Variants in ADAMTS17 observed in about 807,000 individuals in gnomAD.
The protein encoded by ADAMTS17 is ADAM metallopeptidase with thrombospondin type 1 motif 17, also known as A disintegrin and metalloproteinase with thrombospondin motifs 17.
Under a neutral mutation model 141.5 loss-of-function variants are expected in ADAMTS17, and 113 were observed. The ratio of observed to expected loss-of-function variants is 0.80; its 90% CI spans 0.69 to 0.93. The LOEUF (loss-of-function observed/expected upper bound fraction) is 0.93, where lower values mean the gene tolerates loss of function less well. Ranked by LOEUF, ADAMTS17 falls within the 40% of genes least tolerant of loss-of-function variation. The probability of loss-of-function intolerance (pLI) is 0.00; values close to 1 mark genes in which losing one functional copy is unlikely to be tolerated. For missense variants in ADAMTS17, 1,659 were observed against 1,517.9 expected, an observed-to-expected ratio of 1.09 and a Z score of -1.54; for synonymous variants, 768 against 630.6, an observed-to-expected ratio of 1.22 and a Z score of -3.27.
In ADAMTS17 at chr15:100,007,702, C is replaced by T. The variant is rs535376217; in HGVS notation, c.2592-10113G>A. 7.2e-5 allele frequency among the ~76,000 whole-genome samples: 11 copies of T among 152,058 alleles called. No homozygotes were observed. In the South Asian group the frequency reaches 1.2e-3, roughly 17 times the overall value. On this transcript the variant is annotated intron_variant, in intron 18 of 21. Transcript: ENST00000268070. ...GAGCACCCGGGGAGGAGCTGGCCTG[C>T]GGTGGAAGGGTGGCGCTGCTTTAGA...
At chr15:100,288,690 A>C (rs996808724) in intron 3 of ADAMTS17, among the ~76,000 whole-genome samples, 1 of 152,220 alleles carries the variant, frequency 6.6e-6, no homozygotes, top group African/African-American at 2.4e-5. Flanking sequence ...GTGCAATAAA[A>C]ATAGAAATCA....
intron 7 of ADAMTS17, among the ~76,000 whole-genome samples, chr15:100,213,500 C>T (rs368059905): frequency 9.2e-5 from 14 of 152,254 alleles, no homozygotes; most frequent in African/African-American, 3.4e-4. Context: ...ACACACACCC[C>T]GGGAACATCC....
chr15:100,153,316 T>C (rs1350669691), intron 9 of ADAMTS17, among the ~76,000 whole-genome samples: 1 of 152,086 alleles, frequency 6.6e-6, no homozygotes, highest in Admixed American at 6.5e-5. Flanking sequence ...GGTGGGAGCA[T>C]TCATTCACAG....
intron 15 of ADAMTS17, among the ~76,000 whole-genome samples, chr15:100,056,033 GA>G (rs1256256347): frequency 6.6e-6 from 1 of 152,170 alleles, no homozygotes; most frequent in Non-Finnish European, 1.5e-5. Flanking sequence ...GACTAATGCT[GA>G]AATGTGCAAA....
intron 3 of ADAMTS17, among the ~76,000 whole-genome samples, chr15:100,326,432 T>C (rs550952990): frequency 2.0e-5 from 3 of 152,348 alleles, no homozygotes; most frequent in Admixed American, 1.3e-4. Flanking sequence ...GATTGGCCCT[T>C]GCTGAGCAAA....
At chr15:99,982,803 GAAGT>G (rs2060507668) in intron 20 of ADAMTS17, among the ~76,000 whole-genome samples, 1 of 152,188 alleles carries the variant, frequency 6.6e-6, no homozygotes, top group Admixed American at 6.5e-5. Flanking sequence ...CGGGAAACCT[GAAGT>G]GAGTGGAGCC....
At chr15:100,136,108 CA>C in intron 10 of ADAMTS17, among the ~76,000 whole-genome samples, 1 of 152,308 alleles carries the variant, frequency 6.6e-6, no homozygotes, top group South Asian at 2.1e-4. Context: ...ATGTGTTCAC[CA>C]AAGACATTGT....
At chr15:100,162,099 T>C (rs200795550) in intron 8 of ADAMTS17, among the ~76,000 whole-genome samples, 3 of 152,168 alleles carry the variant, frequency 2.0e-5, no homozygotes, top group Non-Finnish European at 4.4e-5. Flanking sequence ...TGGTGTTCAG[T>C]GTATTTTTCT....
chr15:100,017,765 G>A (rs768714320), intron 18 of ADAMTS17, among the ~76,000 whole-genome samples: 1 of 152,182 alleles, frequency 6.6e-6, no homozygotes, highest in Non-Finnish European at 1.5e-5. Context: ...GGGTCTGTGA[G>A]TCCTCTTGGG....
At chr15:100,310,287 C>T (rs2045360613) in intron 3 of ADAMTS17, among the ~76,000 whole-genome samples, 2 of 152,222 alleles carry the variant, frequency 1.3e-5, no homozygotes, top group South Asian at 4.1e-4. Context: ...ATCAGCCCCA[C>T]ACAGGGAGAG....
At chr15:100,003,335 C>T (rs749317925) in intron 18 of ADAMTS17, among the ~76,000 whole-genome samples, 1 of 152,020 alleles carries the variant, frequency 6.6e-6, no homozygotes, top group African/African-American at 2.4e-5. Flanking sequence ...CAGCAGTATA[C>T]GAGGCTCACT....
chr15:100,207,040 C>A (rs553098339), intron 7 of ADAMTS17, among the ~76,000 whole-genome samples: 1 of 152,148 alleles, frequency 6.6e-6, no homozygotes, highest in African/African-American at 2.4e-5. Context: ...ACTGTGTCCC[C>A]CTGAAATTCA....
chr15:99,978,585 A>C (rs995117134), intron 20 of ADAMTS17: 1 of 152,164 alleles, frequency 6.6e-6, no homozygotes, highest in Non-Finnish European at 1.5e-5. Context: ...TCCATCCCAG[A>C]CCTCAGGAGT....
In ADAMTS17 at chr15:100,059,566, C is replaced by T. The variant is rs113800793; in HGVS notation, c.2138-5512G>A. Among the ~76,000 whole-genome samples, 1,145 of 152,334 alleles carry T rather than the reference C, an allele frequency of 7.5e-3. 14 individuals are homozygous for T. Among genetic ancestry groups the T allele is most frequent in the African/African-American group, 0.026 (1,091 of 41,582 alleles). On this transcript the variant is annotated intron_variant, in intron 15 of 21. Coordinates refer to ENST00000268070, the MANE Select transcript of ADAMTS17 (RefSeq NM_139057.4). The stretch of plus-strand genomic sequence containing the variant: ...ACTTCCTGCTAAAATCAGAAGTTCG[C>T]GCCTGACATCCCTCAAAAGAGATGT...
At chr15:100,220,447 T>C (rs1195907707) in intron 7 of ADAMTS17, among the ~76,000 whole-genome samples, 17 of 152,162 alleles carry the variant, frequency 1.1e-4, no homozygotes. Flanking sequence ...TCAGCTCTAG[T>C]CCCTCCACTT....
chr15:99,976,235 G>A lies in ADAMTS17; in HGVS notation c.2950-13C>T. 6.5e-7 allele frequency: 1 copy of A among 1,541,616 alleles called. No homozygotes were observed. Among genetic ancestry groups the A allele is most frequent in the Non-Finnish European group, 8.7e-7 (1 of 1,146,192 alleles). ...AGGTCGACGAGCACTGCAGAGACAGGACAGCCTGAGTGGGGCTGACATGAG... is the reference window on the plus strand; with the variant it reads ...AGGTCGACGAGCACTGCAGAGACAGAACAGCCTGAGTGGGGCTGACATGAG... On this transcript the variant is annotated splice_polypyrimidine_tract_variant and intron_variant, in intron 20 of 21. Coordinates refer to ENST00000268070, the MANE Select transcript of ADAMTS17 (RefSeq NM_139057.4).
chr15:99,972,990 G>C lies in ADAMTS17; in HGVS notation c.*1412C>G, dbSNP rs528731488. ...GGGAGGAGGTGTTATTTACGGTAAA[G>C]TCCTAGAACATAAGCACCCATGAAA... On this transcript the variant is annotated 3_prime_UTR_variant, in exon 22 of 22. Coordinates refer to ENST00000268070, the MANE Select transcript of ADAMTS17 (RefSeq NM_139057.4). 6.6e-6 allele frequency: 1 copy of C among 152,220 alleles called. No homozygotes were observed. The highest frequency in any genetic ancestry group is 1.5e-5 in the Non-Finnish European group (1 of 68,050). 9.4% of individuals were successfully genotyped at this position (152,220 alleles called of 1,614,324 possible). A position where few individuals can be genotyped will look rare whatever the true frequency, so the allele number is the denominator to read the frequency against.
At chr15:100,117,069 A>G (rs2037183344) in intron 12 of ADAMTS17, 56 bp from the exon 13 acceptor site, 2 of 1,544,684 alleles carry the variant, frequency 1.3e-6, no homozygotes, top group Non-Finnish European at 1.7e-6. Context: ...AGGGCAGGAG[A>G]GCTGTTTCCG....
intron 10 of ADAMTS17, among the ~76,000 whole-genome samples, chr15:100,134,219 T>TG (rs996113547): frequency 7.2e-5 from 11 of 152,130 alleles, no homozygotes; most frequent in Non-Finnish European, 1.3e-4. Context: ...CAGAGGGTCC[T>TG]GGGGGGGATG....
Sources: allele counts gnomAD v4.1 joint callset (sites outside exome capture counted in the v4.1 genomes callset), GRCh38; gene constraint gnomAD v4.1.1; transcripts MANE v1.5; gene names NCBI Gene and HGNC (gene_info 2026-07-23, HGNC 2026-07-21).